The following UBE3B variants were observed in gnomAD, a reference collection of about 807,000 sequenced individuals.
UBE3B encodes the protein ubiquitin-protein ligase E3B.
A neutral mutation model predicts 132.3 loss-of-function variants in UBE3B; 80 were observed. That is an observed-to-expected ratio of 0.60 (90% CI 0.50 to 0.73). The LOEUF (loss-of-function observed/expected upper bound fraction) is 0.73, where lower values mean the gene tolerates loss of function less well. Ranked by LOEUF, UBE3B falls within the 30% of genes least tolerant of loss-of-function variation. UBE3B has a pLI of 0.00. For synonymous variants in UBE3B, 487 were observed against 520.4 expected (o/e 0.94, Z 0.87); for missense variants, 1,196 against 1,362.5 (o/e 0.88, Z 1.92).
intron 18 of UBE3B, among the ~76,000 whole-genome samples, chr12:109,515,630 A>G (rs1256661828): frequency 6.6e-6 from 1 of 152,172 alleles, no homozygotes; most frequent in African/African-American, 2.4e-5. Context: ...CGGCCTCTCA[A>G]AGTGCTGGGA....
chr12:109,484,101 G>T, intron 4 of UBE3B, 120 bp downstream of exon 4: 1 of 1,104,376 alleles, frequency 9.1e-7, no homozygotes, highest in Non-Finnish European at 1.2e-6. Flanking sequence ...CTCACATCCT[G>T]TCCCTTTTGT....
At chr12:109,525,480 A>G (rs893893134) in intron 23 of UBE3B, among the ~76,000 whole-genome samples, 1 of 152,114 alleles carries the variant, frequency 6.6e-6, no homozygotes, top group African/African-American at 2.4e-5. Flanking sequence ...TTTAAAACCC[A>G]CTGGTGCCAC....
At chr12:109,533,942 C>T (rs1382899340) in intron 27 of UBE3B, 2 of 1,313,874 alleles carry the variant, frequency 1.5e-6, no homozygotes, top group South Asian at 1.2e-5. Context: ...ACTCCTACCC[C>T]AGCAGGCTGT....
chr12:109,512,290 T>C (rs1880468640), intron 18 of UBE3B, among the ~76,000 whole-genome samples: 1 of 151,958 alleles, frequency 6.6e-6, no homozygotes, highest in African/African-American at 2.4e-5. Context: ...GAGTGAGAAG[T>C]CCAGGGCACT....
intron 8 of UBE3B, chr12:109,490,614 C>T (rs1877313419): frequency 6.5e-7 from 1 of 1,534,228 alleles, no homozygotes; most frequent in Admixed American, 2.0e-5. Flanking sequence ...CTACTTCATA[C>T]CATAATTAAA....
chr12:109,530,939 A>T (rs1349294761), intron 26 of UBE3B, among the ~76,000 whole-genome samples: 1 of 152,194 alleles, frequency 6.6e-6, no homozygotes, highest in African/African-American at 2.4e-5. Context: ...CCCTTTGCCT[A>T]TGCTGGCCTT....
At chr12:109,509,210 C>T (rs1270120917) in intron 15 of UBE3B, 2 of 153,314 alleles carry the variant, frequency 1.3e-5, no homozygotes, top group African/African-American at 4.8e-5. Flanking sequence ...TTCTCTCCCA[C>T]ATTATTTTGA....
chr12:109,533,767 G>A (rs917350736), intron 27 of UBE3B: 23 of 843,184 alleles, frequency 2.7e-5, no homozygotes, highest in African/African-American at 2.0e-4. Flanking sequence ...GCCCTCTCTC[G>A]GCAGCCCCTT....
intron 18 of UBE3B, among the ~76,000 whole-genome samples, chr12:109,516,167 C>CTTTTTTTTTTTTTTTTTTT (rs59084691): frequency 5.5e-5 from 5 of 91,138 alleles, no homozygotes; most frequent in African/African-American, 1.3e-4. Flanking sequence ...TCTTTTTTTT[C>CTTTTTTTTTTTTTTTTTTT]TTTTTTTTTT....
rs773061391 is a variant in UBE3B at position 109,511,432 on chromosome 12, G to C, written c.1956+129G>C. The C allele has an allele frequency of 3.2e-4, 264 of 819,108 alleles. 1 individual carries two copies. Among genetic ancestry groups the C allele is most frequent in the Non-Finnish European group, 4.5e-4 (234 of 514,634 alleles). 50.7% of individuals were successfully genotyped at this position (819,108 alleles called of 1,614,324 possible). ...CATTCATTCAGCACAAGGAAACGGTGGTTGCTATTACTTTGGTGAGGTTAC... is the reference window on the plus strand; with the variant it reads ...CATTCATTCAGCACAAGGAAACGGTCGTTGCTATTACTTTGGTGAGGTTAC... On this transcript the variant is annotated intron_variant, in intron 18 of 27. Coordinates refer to ENST00000342494, the MANE Select transcript of UBE3B (RefSeq NM_130466.4).
intron 9 of UBE3B, among the ~76,000 whole-genome samples, chr12:109,495,513 C>T (rs1170744245): frequency 6.6e-6 from 1 of 152,174 alleles, no homozygotes; most frequent in Non-Finnish European, 1.5e-5. Context: ...GAGACCCTAA[C>T]CCAGCGGCAC....
At chr12:109,528,544 G>A (rs2136115292) in intron 24 of UBE3B, 1 of 972,110 alleles carries the variant, frequency 1.0e-6, no homozygotes, top group Non-Finnish European at 1.2e-6. Context: ...CCGGGCTCAA[G>A]TTCTTTGCTA....
chr12:109,533,779 C>G, intron 27 of UBE3B: 1 of 865,228 alleles, frequency 1.2e-6, no homozygotes, highest in Non-Finnish European at 1.9e-6. Context: ...CAGCCCCTTT[C>G]TCTTTCCTTC....
chr12:109,480,048 A>G (rs1875100824), intron 1 of UBE3B, among the ~76,000 whole-genome samples: 1 of 152,198 alleles, frequency 6.6e-6, no homozygotes, highest in Non-Finnish European at 1.5e-5. Context: ...CCAGGAGTTC[A>G]TAGCCCAAGG....
chr12:109,508,860 T>G (rs530842231), intron 15 of UBE3B: 18 of 597,346 alleles, frequency 3.0e-5, no homozygotes, highest in African/African-American at 3.0e-4. Flanking sequence ...ACTAAGTACC[T>G]GCTAAGTGTC....
intron 9 of UBE3B, among the ~76,000 whole-genome samples, chr12:109,496,880 C>T (rs189000817): frequency 5.9e-5 from 9 of 152,272 alleles, no homozygotes; most frequent in Admixed American, 2.0e-4. Context: ...AAGTTTTAAA[C>T]TTTGAAGAAG....
chr12:109,544,848 A>G, the UBE3B span, among the ~76,000 whole-genome samples: 1 of 152,258 alleles, frequency 6.6e-6, no homozygotes, highest in Non-Finnish European at 1.5e-5. Flanking sequence ...TCTTGGCAAC[A>G]GATTTTGCGA....
At chr12:109,545,862 G>A in the UBE3B span, among the ~76,000 whole-genome samples, 693 of 152,286 alleles carry the variant, frequency 4.6e-3, 2 homozygotes, top group Admixed American at 0.01. Flanking sequence ...AGGCTGCAGA[G>A]CAGCAGCTGC....
chr12:109,486,009 C>T lies in UBE3B; in HGVS notation c.283-3C>T. ...GTATAACCCCCAGTGTGTCTCTTTG[C>T]AGAGATTTGAGAAGTTGTGTCGCAG... On this transcript the variant is annotated splice_polypyrimidine_tract_variant and splice_region_variant and intron_variant, in intron 4 of 27. Coordinates refer to ENST00000342494, the MANE Select transcript of UBE3B (RefSeq NM_130466.4). 1.3e-6 allele frequency: 2 copies of T among 1,553,278 alleles called. No individual in the cohort carries two copies. Among genetic ancestry groups the T allele is most frequent in the Non-Finnish European group, 1.7e-6 (2 of 1,147,710 alleles).
Sources: allele counts gnomAD v4.1 joint callset (sites outside exome capture counted in the v4.1 genomes callset), GRCh38; gene constraint gnomAD v4.1.1; transcripts MANE v1.5; gene names NCBI Gene and HGNC (gene_info 2026-07-23, HGNC 2026-07-21).